Variants in NSMCE2 observed in about 807,000 individuals in gnomAD.
NSMCE2 encodes E3 SUMO-protein ligase NSE2.
In NSMCE2, 24 loss-of-function variants were observed where a neutral mutation model predicts 23.8. The observed-to-expected ratio is 1.01, with a 90% CI of 0.73 to 1.42. The LOEUF (loss-of-function observed/expected upper bound fraction) is 1.42, where lower values mean the gene tolerates loss of function less well. Ranked by LOEUF, NSMCE2 falls within the 40% of genes most tolerant of loss-of-function variation. The pLI, the probability that NSMCE2 is intolerant of heterozygous loss-of-function variation, is 0.00. For missense variants in NSMCE2, 284 were observed against 296.5 expected (o/e 0.96, Z 0.31); for synonymous variants, 92 against 94.1 (o/e 0.98, Z 0.13).
chr8:125,221,344 C>G (rs762448252), intron 5 of NSMCE2, among the ~76,000 whole-genome samples: 1 of 152,226 alleles, frequency 6.6e-6, no homozygotes, highest in Admixed American at 6.5e-5. Context: ...TTCCCTCACT[C>G]AGGTGATCCT....
At chr8:125,360,810 T>C (rs1813506636) in intron 7 of NSMCE2, among the ~76,000 whole-genome samples, 1 of 152,246 alleles carries the variant, frequency 6.6e-6, no homozygotes. Context: ...ATTGTCTCAT[T>C]TCTTCCTCCT....
intron 5 of NSMCE2, among the ~76,000 whole-genome samples, chr8:125,197,284 C>G (rs952598031): frequency 6.6e-5 from 10 of 152,244 alleles, no homozygotes; most frequent in African/African-American, 2.4e-4. Context: ...TGCCTATGTC[C>G]TGAATGGTAT....
rs199556407 is a variant in NSMCE2, at chr8:125,217,355, A to ATT, written c.418+35101_418+35102dup. Among the ~76,000 whole-genome samples the ATT allele has an allele frequency of 2.1e-3, 322 of 149,986 alleles. 1 individual carries two copies. Among genetic ancestry groups the ATT allele is most frequent in the South Asian group, 0.014 (64 of 4,566 alleles). ...AAAAATTTTATTTATTTATTTATTT[A>ATT]TTTATTTTTTATTTATTTATTTTGA... On this transcript the variant is annotated intron_variant, in intron 5 of 7. Coordinates refer to ENST00000287437, the MANE Select transcript of NSMCE2 (RefSeq NM_173685.4).
chr8:125,170,415 T>TTTTTTTTTTTA lies in NSMCE2; in HGVS notation c.265-11688_265-11687insTTTTTTTTTTA, dbSNP rs1199459816. ...TTTTTTTTTTTTTTTTTTTTTTTTT[T>TTTTTTTTTTTA]AAGACAGAGTCTCGCTCTCTTGGCC... On this transcript the variant is annotated intron_variant, in intron 4 of 7. Transcript: ENST00000287437. Among the ~76,000 whole-genome samples, 17 of 93,116 alleles carry TTTTTTTTTTTA rather than the reference T, an allele frequency of 1.8e-4. 2 individuals carry two copies. Among genetic ancestry groups the TTTTTTTTTTTA allele is most frequent in the Non-Finnish European group, 2.1e-4 (10 of 46,760 alleles). The allele number at this position is 93,116 out of a possible 152,430, so 61.1% of individuals were successfully genotyped here.
chr8:125,295,382 A>C (rs1828281899), intron 5 of NSMCE2, among the ~76,000 whole-genome samples: 1 of 152,188 alleles, frequency 6.6e-6, no homozygotes, highest in Non-Finnish European at 1.5e-5. Flanking sequence ...ATTTGATAAT[A>C]AAATTAAAAA....
chr8:125,144,501 G>A lies in NSMCE2; in HGVS notation c.158-6670G>A, dbSNP rs1372192631. Among the ~76,000 whole-genome samples, 3 of 152,172 alleles carry A rather than the reference G, an allele frequency of 2.0e-5. No individual in the cohort carries two copies. In the East Asian group the frequency reaches 5.8e-4, roughly 29 times the overall value. On this transcript the variant is annotated intron_variant, in intron 3 of 7. Coordinates refer to ENST00000287437, the MANE Select transcript of NSMCE2 (RefSeq NM_173685.4). The stretch of plus-strand genomic sequence containing the variant: ...GACCTTAGACAATGCTGGAACTGGC[G>A]CCGGATAAGCTCATGAGTCCATGCT...
intron 5 of NSMCE2, among the ~76,000 whole-genome samples, chr8:125,209,107 C>T (rs933230123): frequency 3.3e-5 from 5 of 152,088 alleles, no homozygotes; most frequent in African/African-American, 7.2e-5. Context: ...CCACTGTGAC[C>T]AATTTGATTT....
intron 5 of NSMCE2, among the ~76,000 whole-genome samples, chr8:125,305,364 A>G (rs962447051): frequency 6.6e-6 from 1 of 152,198 alleles, no homozygotes; most frequent in Non-Finnish European, 1.5e-5. Context: ...GGATCTGAAC[A>G]TGGATTTGTA....
intron 5 of NSMCE2, among the ~76,000 whole-genome samples, chr8:125,232,166 G>A (rs1586646643): frequency 6.6e-6 from 1 of 152,212 alleles, no homozygotes; most frequent in South Asian, 2.1e-4. Context: ...TTCGAGGCTA[G>A]CCTGACCAAC....
chr8:125,281,342 G>C (rs1827687127), intron 5 of NSMCE2, among the ~76,000 whole-genome samples: 1 of 152,166 alleles, frequency 6.6e-6, no homozygotes, highest in South Asian at 2.1e-4. Flanking sequence ...AGTTTACTTT[G>C]TCAACTGAGG....
intron 5 of NSMCE2, among the ~76,000 whole-genome samples, chr8:125,343,645 A>T (rs114999446): frequency 0.016 from 2,333 of 148,500 alleles, 51 homozygotes; most frequent in African/African-American, 0.054. Flanking sequence ...TCTAAAAATT[A>T]AAAAAAAAAA....
intron 5 of NSMCE2, among the ~76,000 whole-genome samples, chr8:125,306,945 T>C (rs1193519379): frequency 6.6e-6 from 1 of 152,242 alleles, no homozygotes; most frequent in Non-Finnish European, 1.5e-5. Flanking sequence ...TGCCTAGAAC[T>C]GTACATGGCA....
intron 3 of NSMCE2, among the ~76,000 whole-genome samples, chr8:125,141,480 T>C (rs1820371733): frequency 6.6e-6 from 1 of 152,200 alleles, no homozygotes; most frequent in Non-Finnish European, 1.5e-5. Context: ...CTGGGGCAAA[T>C]GATTTAGTGT....
Position 125,215,675 on chromosome 8 carries a change from G to A in NSMCE2, c.418+33419G>A, listed in dbSNP as rs368188897. On this transcript the variant is annotated intron_variant, in intron 5 of 7. Coordinates refer to ENST00000287437, the MANE Select transcript of NSMCE2 (RefSeq NM_173685.4). Reference sequence around the variant, plus strand: ...GGGTTTTTATGGTTTTAGGTCTAACGTTTAAGTCTTTAATCCATCTTGAAT... The same window carrying A: ...GGGTTTTTATGGTTTTAGGTCTAACATTTAAGTCTTTAATCCATCTTGAAT... Among the ~76,000 whole-genome samples the A allele has an allele frequency of 4.0e-3, 612 of 152,170 alleles. 7 individuals are homozygous for A. Among genetic ancestry groups the A allele is most frequent in the African/African-American group, 0.013 (537 of 41,542 alleles).
In NSMCE2 at chr8:125,126,523, C is replaced by T. The variant is rs1014499636; in HGVS notation, c.157+24036C>T. 3.9e-5 allele frequency among the ~76,000 whole-genome samples: 6 copies of T among 152,122 alleles called. No individual in the cohort carries two copies. The East Asian group carries it at 7.7e-4, about 20-fold the overall frequency. ...GGCCTTTCCAAGAATTTTACCACCA[C>T]GTATTATAGCTTCAGCACTTACTAC... On this transcript the variant is annotated intron_variant, in intron 3 of 7. Transcript: ENST00000287437.
At chr8:125,261,670 G>A (rs1288313808) in intron 5 of NSMCE2, among the ~76,000 whole-genome samples, 1 of 151,616 alleles carries the variant, frequency 6.6e-6, no homozygotes, top group African/African-American at 2.4e-5. Flanking sequence ...TCATAACCAA[G>A]GGATTTAAAG....
At chr8:125,239,883 G>A (rs1430819474) in intron 5 of NSMCE2, among the ~76,000 whole-genome samples, 1 of 152,088 alleles carries the variant, frequency 6.6e-6, no homozygotes, top group Non-Finnish European at 1.5e-5. Flanking sequence ...AGATAAAAGA[G>A]TAGAGTGAGT....
chr8:125,175,893 G>T (rs892214663), intron 4 of NSMCE2, among the ~76,000 whole-genome samples: 1 of 152,160 alleles, frequency 6.6e-6, no homozygotes, highest in African/African-American at 2.4e-5. Context: ...TTTCAGCGTG[G>T]ATGAGGACTG....
chr8:125,300,446 A>G (rs1268532444), intron 5 of NSMCE2, among the ~76,000 whole-genome samples: 1 of 152,174 alleles, frequency 6.6e-6, no homozygotes, highest in Non-Finnish European at 1.5e-5. Context: ...TACAGACATG[A>G]GCCATCACAC....
Sources: gnomAD v4.1 joint callset for allele counts (sites outside exome capture counted in the v4.1 genomes callset) on GRCh38, gnomAD v4.1.1 for gene constraint, MANE v1.5 for transcripts, NCBI Gene and HGNC (gene_info 2026-07-23, HGNC 2026-07-21) for gene names.